The following CYTH3 variants were observed in gnomAD, a reference collection of about 807,000 sequenced individuals.
CYTH3 encodes cytohesin-3.
In CYTH3, 23 loss-of-function variants were observed where a neutral mutation model predicts 55.1. The observed-to-expected ratio is 0.42, with a 90% confidence interval of 0.30 to 0.59. The LOEUF is 0.59. Among genes scored for constraint, CYTH3 ranks in the 20% least tolerant of loss-of-function variants. The pLI is 0.20. For missense variants in CYTH3, 413 were observed against 524.8 expected (o/e 0.79, Z 2.08); for synonymous variants, 249 against 194.9 (o/e 1.28, Z -2.31).
intron 1 of CYTH3, among the ~76,000 whole-genome samples, chr7:6,200,587 A>G (rs1401556454): frequency 2.0e-5 from 3 of 152,118 alleles, no homozygotes; most frequent in African/African-American, 7.2e-5. Flanking sequence ...AGCTTTTTAG[A>G]TTTTTGGTCA....
chr7:6,247,856 G>C (rs758040242), intron 1 of CYTH3, among the ~76,000 whole-genome samples: 4 of 151,712 alleles, frequency 2.6e-5, no homozygotes, highest in Non-Finnish European at 5.9e-5. Context: ...GCTTACCATG[G>C]TTCCCAGGCT....
At chr7:6,263,722 T>G (rs1283897524) in intron 1 of CYTH3, among the ~76,000 whole-genome samples, 1 of 150,466 alleles carries the variant, frequency 6.6e-6, no homozygotes, top group Non-Finnish European at 1.5e-5. Context: ...CGCTTGAACC[T>G]GGGAGGTAGA....
intron 1 of CYTH3, among the ~76,000 whole-genome samples, chr7:6,240,022 G>A (rs527439306): frequency 3.0e-4 from 46 of 152,240 alleles, no homozygotes; most frequent in African/African-American, 1.1e-3. Flanking sequence ...AATGAAATTA[G>A]AGGCTGGGTG....
chr7:6,210,891 G>A (rs773203681), intron 1 of CYTH3, among the ~76,000 whole-genome samples: 6 of 152,082 alleles, frequency 3.9e-5, no homozygotes, highest in Non-Finnish European at 8.8e-5. Flanking sequence ...CAAAAAGCAG[G>A]GTGAGGATTA....
At chr7:6,243,641 G>A (rs997090110) in intron 1 of CYTH3, among the ~76,000 whole-genome samples, 18 of 152,202 alleles carry the variant, frequency 1.2e-4, no homozygotes, top group Admixed American at 1.2e-3. Context: ...AGCTTCTTCT[G>A]CGTATAATTA....
intron 1 of CYTH3, 141 bp from the exon 2 acceptor site, chr7:6,190,672 C>G (rs1021971150): frequency 1.9e-5 from 12 of 616,876 alleles, no homozygotes; most frequent in Middle Eastern, 2.6e-4. Flanking sequence ...GAGACTGTAT[C>G]TGAGACACTC....
At chr7:6,265,818 C>T (rs1260398816) in intron 1 of CYTH3, among the ~76,000 whole-genome samples, 1 of 151,888 alleles carries the variant, frequency 6.6e-6, no homozygotes, top group African/African-American at 2.4e-5. Flanking sequence ...AATGGGAGAA[C>T]CATGAGAAGG....
At chr7:6,271,520 G>T (rs1471383879) in intron 1 of CYTH3, among the ~76,000 whole-genome samples, 1 of 151,754 alleles carries the variant, frequency 6.6e-6, no homozygotes, top group Non-Finnish European at 1.5e-5. Flanking sequence ...CTCAACTTCG[G>T]CTGTTCCTGT....
chr7:6,250,695 G>A (rs1188307513), intron 1 of CYTH3, among the ~76,000 whole-genome samples: 1 of 152,188 alleles, frequency 6.6e-6, no homozygotes, highest in African/African-American at 2.4e-5. Flanking sequence ...GGGGATGACA[G>A]CTAATGGGGC....
At chr7:6,174,489 C>CT in intron 5 of CYTH3, among the ~76,000 whole-genome samples, 1 of 138,790 alleles carries the variant, frequency 7.2e-6, no homozygotes. Flanking sequence ...TGTTATGTGT[C>CT]TTTTTTATTA....
intron 1 of CYTH3, among the ~76,000 whole-genome samples, chr7:6,207,781 C>G (rs1784228695): frequency 6.6e-6 from 1 of 152,146 alleles, no homozygotes. Flanking sequence ...GAAACTCCAT[C>G]TCCACAACAA....
intron 1 of CYTH3, among the ~76,000 whole-genome samples, chr7:6,205,433 G>A (rs1392491948): frequency 6.6e-6 from 1 of 151,882 alleles, no homozygotes; most frequent in African/African-American, 2.4e-5. Context: ...AATTAGCCAG[G>A]CATGGCAGTG....
chr7:6,165,854 G>A (rs767882107), intron 9 of CYTH3, 44 bp from the exon 10 acceptor site: 43 of 1,604,066 alleles, frequency 2.7e-5, no homozygotes, highest in Non-Finnish European at 3.6e-5. Context: ...CGTGCACAGG[G>A]AGCCCGCGGG....
At chr7:6,180,043 T>C (rs1783466293) in intron 4 of CYTH3, among the ~76,000 whole-genome samples, 1 of 152,110 alleles carries the variant, frequency 6.6e-6, no homozygotes, top group Admixed American at 6.6e-5. Context: ...GGCTTTGCTA[T>C]TGGCTCTAAG....
rs1378486108 is a variant in CYTH3 at position 6,241,986 on chromosome 7, G to A, written c.34+30488C>T. Among the ~76,000 whole-genome samples the A allele has an allele frequency of 2.6e-5, 4 of 152,050 alleles. No homozygotes were observed. The East Asian group carries it at 5.8e-4, about 22-fold the overall frequency. ...AATTATTTCTAAGAGGTAGGACAGG[G>A]GACAGAATAGTCTCATTCATGCTTG... On this transcript the variant is annotated intron_variant, in intron 1 of 12. Transcript: ENST00000350796.
intron 1 of CYTH3, among the ~76,000 whole-genome samples, chr7:6,247,535 T>C (rs1346166217): frequency 1.3e-5 from 2 of 152,262 alleles, no homozygotes; most frequent in Non-Finnish European, 2.9e-5. Context: ...AGCAATAATT[T>C]AACTTTCTAC....
intron 1 of CYTH3, among the ~76,000 whole-genome samples, chr7:6,225,312 A>G (rs553531590): frequency 6.6e-6 from 1 of 152,304 alleles, no homozygotes; most frequent in South Asian, 2.1e-4. Context: ...GGTATGGGAT[A>G]AACTGTTAAG....
intron 1 of CYTH3, among the ~76,000 whole-genome samples, chr7:6,194,062 C>T (rs918848682): frequency 2.6e-5 from 4 of 152,160 alleles, no homozygotes; most frequent in Admixed American, 2.0e-4. Flanking sequence ...ACAGTCAACA[C>T]GGCCTTCTGC....
chr7:6,266,812 T>C (rs897605942), intron 1 of CYTH3, among the ~76,000 whole-genome samples: 10 of 152,350 alleles, frequency 6.6e-5, no homozygotes, highest in African/African-American at 2.4e-4. Flanking sequence ...TATATATAGC[T>C]GTTTACCTCT....
Sources: allele counts gnomAD v4.1 joint callset (sites outside exome capture counted in the v4.1 genomes callset), GRCh38; gene constraint gnomAD v4.1.1; transcripts MANE v1.5; gene names NCBI Gene and HGNC (gene_info 2026-07-23, HGNC 2026-07-21).